LRP4: variants seen among roughly 807,000 people sequenced by gnomAD.
The protein encoded by LRP4 is LDL receptor related protein 4.
A neutral mutation model predicts 220.3 loss-of-function variants in LRP4; 95 were observed. The observed-to-expected ratio is 0.43, with a 90% CI of 0.37 to 0.51. The LOEUF (loss-of-function observed/expected upper bound fraction) is 0.51, where lower values mean the gene tolerates loss of function less well. Among genes scored for constraint, LRP4 ranks in the 20% least tolerant of loss-of-function variants. The probability of loss-of-function intolerance (pLI) is 0.00; values close to 1 mark genes in which losing one functional copy is unlikely to be tolerated. For missense variants in LRP4, 1,925 were observed against 2,567.0 expected, an observed-to-expected ratio of 0.75 and a Z score of 5.40; for synonymous variants, 903 against 954.6, an observed-to-expected ratio of 0.95 and a Z score of 1.00.
At position 46,869,098 on chromosome 11, in the gene LRP4, G is replaced by C. The variant is rs2134778058; in HGVS notation, c.4727C>G (p.Thr1576Ser). The change falls in exon 32 of 38, where the codon ACC becomes AGC. Residue 1576 changes from threonine (T) to serine (S), a missense_variant. Around this residue, in one of 3 missense-constraint regions of LRP4, gnomAD observed 1,244 missense variants for 1,624.9 expected, o/e 0.77. Transcript: ENST00000378623. The part of the protein sequence containing the change: ...DRWIYWTDWQ[T>S]KSIQRVDKYS... ...TTTGTCAACACGCTGGATTGACTTG[G>C]TCTGCCAGTCTGTCCAGTAGATCCA... is the stretch of plus-strand genomic sequence containing the variant. The C allele has an allele frequency of 5.6e-6, 9 of 1,614,170 alleles. No homozygotes were observed. The highest frequency in any genetic ancestry group is 6.8e-6 in the Non-Finnish European group (8 of 1,180,028).
rs528229446 is a variant in LRP4 at position 46,858,690 on chromosome 11, C to T, written c.*293G>A. The stretch of plus-strand genomic sequence containing the variant: ...TGGGGAAAGGGGAGGTGGAGCTCTA[C>T]GCTGGTGAGGAATCACGAATAAGCA... On this transcript the variant is annotated 3_prime_UTR_variant, in exon 38 of 38. Coordinates refer to ENST00000378623, the MANE Select transcript of LRP4 (RefSeq NM_002334.4). The T allele has an allele frequency of 1.4e-5, 6 of 438,874 alleles. No homozygotes were observed. Among genetic ancestry groups the T allele is most frequent in the South Asian group, 6.2e-5 (3 of 48,674 alleles). The allele number at this position is 438,874 out of a possible 1,614,324, so 27.2% of individuals were successfully genotyped here.
chr11:46,908,605 C>T (rs1051669001), intron 1 of LRP4, among the ~76,000 whole-genome samples: 1 of 152,196 alleles, frequency 6.6e-6, no homozygotes, highest in Non-Finnish European at 1.5e-5. Context: ...GGGGAATTTA[C>T]AACTTCTGGG....
Position 46,918,184 on chromosome 11 carries a change from C to A in LRP4, c.52+144G>T. ...GCTGGAGCCGGGGCCGCTCCGGGTC[C>A]TCTCCCCTGCACGCAGCCCCAGGGC... On this transcript the variant is annotated intron_variant, in intron 1 of 37. Transcript: ENST00000378623. The surrounding 1 kb of genome is among the most constrained non-coding windows in gnomAD (Gnocchi z 6.0). 1.2e-6 allele frequency: 1 copy of A among 840,138 alleles called. No homozygotes were observed. Among genetic ancestry groups the A allele is most frequent in the Non-Finnish European group, 1.7e-6 (1 of 571,474 alleles). The allele number at this position is 840,138 out of a possible 1,614,324, so 52.0% of individuals were successfully genotyped here. A position where few individuals can be genotyped will look rare whatever the true frequency, so the allele number is the denominator to read the frequency against.
At chr11:46,880,909 A>T (rs1273683558) in intron 20 of LRP4, among the ~76,000 whole-genome samples, 1 of 151,294 alleles carries the variant, frequency 6.6e-6, no homozygotes, top group Non-Finnish European at 1.5e-5. Flanking sequence ...GTCTCTACCA[A>T]AAAAAAAGAA....
Position 46,899,111 on chromosome 11 carries a change from C to A in LRP4, c.548-79G>T. On this transcript the variant is annotated intron_variant, in intron 5 of 37. Coordinates refer to ENST00000378623, the MANE Select transcript of LRP4 (RefSeq NM_002334.4). This position sits in a 1 kb window ranked among gnomAD's most constrained non-coding sequence, Gnocchi z 5.9. ...GAGGGGCCCTGATTCCTCAAGCAGG[C>A]AGGATGCTCAGGCAGGAGAGCTTCT... The A allele has an allele frequency of 7.3e-7, 1 of 1,368,368 alleles. No homozygotes were observed. Among genetic ancestry groups the A allele is most frequent in the East Asian group, 2.3e-5 (1 of 43,264 alleles). The allele number at this position is 1,368,368 out of a possible 1,614,324, so 84.8% of individuals were successfully genotyped here. A position where few individuals can be genotyped will look rare whatever the true frequency, so the allele number is the denominator to read the frequency against.
At chr11:46,909,611 C>CCA (rs768024410) in intron 1 of LRP4, among the ~76,000 whole-genome samples, 4 of 46,096 alleles carry the variant, frequency 8.7e-5, no homozygotes, top group Non-Finnish European at 1.1e-4. Context: ...GACTCCGTCT[C>CCA]AAAAAAAAAA....
chr11:46,886,107 C>T lies in LRP4; in HGVS notation c.2490G>A (p.Leu830=). The change falls in exon 18 of 38, where the codon CTG becomes CTA. Residue 830 remains leucine, a synonymous_variant. Coordinates refer to ENST00000378623, the MANE Select transcript of LRP4 (RefSeq NM_002334.4). ...TATGCATACCTGCATCTGTCCAGTACAGTTTGTTGGTGACCCAATCAATGG... is the reference window on the plus strand; with the variant it reads ...TATGCATACCTGCATCTGTCCAGTATAGTTTGTTGGTGACCCAATCAATGG... ...GLAIDWVTNK[L]YWTDAGTDRI... is the part of the protein sequence containing the mutation. The T allele has an allele frequency of 6.2e-7, 1 of 1,614,136 alleles. No homozygotes were observed. The highest frequency in any genetic ancestry group is 8.5e-7 in the Non-Finnish European group (1 of 1,180,024).
At chr11:46,888,536 G>A (rs1941346875) in intron 16 of LRP4, among the ~76,000 whole-genome samples, 1 of 26,526 alleles carries the variant, frequency 3.8e-5, no homozygotes, top group African/African-American at 1.1e-4. Context: ...CTGGACAAGA[G>A]CAAAACTGTC....
In LRP4 at chr11:46,865,124, G is replaced by A. The variant is rs778320785; in HGVS notation, c.5150C>T (p.Ala1717Val). Residue 1717 changes from alanine to valine, a missense_variant, in exon 35 of 38, where the codon GCT becomes GTT. Physicochemically the swap from Ala to Val is moderately conservative, Grantham distance 64 (BLOSUM62 0). Transcript: ENST00000378623. The stretch of plus-strand genomic sequence containing the variant: ...GTGGGGTACTCAGGGCTTACCTGGA[G>A]CAGCAGGAACAGCGTCATTGGAACG... ...CARSNDAVPAAPGEGLHISYA... is the reference protein window; with the variant it reads ...CARSNDAVPAVPGEGLHISYA... 2 of 1,562,164 alleles carry A rather than the reference G, an allele frequency of 1.3e-6. No homozygotes were observed. Among genetic ancestry groups the A allele is most frequent in the Non-Finnish European group, 1.7e-6 (2 of 1,152,094 alleles).
chr11:46,865,593 G>A (rs1940674944), intron 34 of LRP4, among the ~76,000 whole-genome samples: 2 of 152,140 alleles, frequency 1.3e-5, no homozygotes, highest in African/African-American at 4.8e-5. Flanking sequence ...GTCAAAAAAT[G>A]TTTTTCTTCT....
rs2134774991 is a variant in LRP4 at position 46,868,067 on chromosome 11, T to C, written c.4999A>G (p.Lys1667Glu). ...PAPRATGMSE[K>E]SPVLPNTPPT... ...GGTGTGTTGGGTAGCACTGGGCTCT[T>C]TTCACTCATGCCAGTAGCCCTAGGA... Residue 1667 changes from lysine (K) to glutamate (E), a missense_variant, in exon 34 of 38, where the codon AAG becomes GAG. Around this residue, in one of 3 missense-constraint regions of LRP4, gnomAD observed 1,244 missense variants for 1,624.9 expected, o/e 0.77. Transcript: ENST00000378623. 1 of 1,614,148 alleles carries C rather than the reference T, an allele frequency of 6.2e-7. No individual in the cohort carries two copies. Among genetic ancestry groups the C allele is most frequent in the East Asian group, 2.2e-5 (1 of 44,882 alleles).
At chr11:46,887,722 T>C (rs1374096375) in intron 16 of LRP4, among the ~76,000 whole-genome samples, 3 of 151,888 alleles carry the variant, frequency 2.0e-5, no homozygotes, top group Non-Finnish European at 4.4e-5. Context: ...TCTCAGCTAC[T>C]TGGGAGCCCA....
At chr11:46,867,104 A>C (rs978218554) in intron 34 of LRP4, among the ~76,000 whole-genome samples, 1 of 152,166 alleles carries the variant, frequency 6.6e-6, no homozygotes, top group Non-Finnish European at 1.5e-5. Context: ...TAATTTCTCA[A>C]ATCAGGAAGC....
In LRP4 at chr11:46,899,922, C is replaced by T. The variant is rs1268069891; in HGVS notation, c.371G>A (p.Arg124Gln). The T allele has an allele frequency of 5.6e-6, 9 of 1,613,802 alleles. No homozygotes were observed. The highest frequency in any genetic ancestry group is 1.7e-5 in the Admixed American group (1 of 60,008). ...EFPCQNGYCI[R>Q]SLWHCDGDND... ...GTCACCATCGCAGTGCCACAGACTC[C>T]GGATGCAGTAGCCATTCTGGCAGGG... The change falls in exon 4 of 38, where the codon CGG (arginine) becomes CAG (glutamine). Residue 124 changes from arginine to glutamine, a missense_variant. Arg to Gln is a conservative substitution (Grantham distance 43, BLOSUM62 1). This residue lies in a region of LRP4 where 412 missense variants were observed against 505.4 expected (regional missense o/e 0.82). Transcript: ENST00000378623. The surrounding 1 kb of genome is among the most constrained non-coding windows in gnomAD (Gnocchi z 5.9).
chr11:46,861,599 C>T (rs1472529832), intron 37 of LRP4, among the ~76,000 whole-genome samples: 1 of 130,944 alleles, frequency 7.6e-6, no homozygotes, highest in Non-Finnish European at 1.6e-5. Flanking sequence ...GATCACAGCT[C>T]ACTGCAGCCT....
intron 22 of LRP4, among the ~76,000 whole-genome samples, chr11:46,878,067 T>C (rs761960370): frequency 6.6e-6 from 1 of 152,080 alleles, no homozygotes; most frequent in Non-Finnish European, 1.5e-5. Flanking sequence ...AGAGTTCAAA[T>C]GCAGCCTACC....
rs773599397 is a variant in LRP4 at position 46,881,750 on chromosome 11, G to C, written c.2766C>G (p.Ala922=). 6.2e-7 allele frequency: 1 copy of C among 1,613,900 alleles called. No homozygotes were observed. The highest frequency in any genetic ancestry group is 1.1e-5 in the South Asian group (1 of 90,942). ...YGSQRLYWAD[A]GMKTIEFAGL... Reference sequence around the variant, plus strand: ...CAGCAAATTCAATTGTCTTCATGCCGGCGTCAGCCCAGTATAGACGCTGGG... The same window carrying C: ...CAGCAAATTCAATTGTCTTCATGCCCGCGTCAGCCCAGTATAGACGCTGGG... Residue 922 remains alanine (A), a synonymous_variant, in exon 20 of 38, where the codon GCC becomes GCG. Coordinates refer to ENST00000378623, the MANE Select transcript of LRP4 (RefSeq NM_002334.4).
At chr11:46,881,586 C>T (rs1240739013) in intron 20 of LRP4, 116 bp downstream of exon 20, 1 of 1,005,780 alleles carries the variant, frequency 9.9e-7, no homozygotes, top group Non-Finnish European at 1.6e-6. Flanking sequence ...CCCATAACCT[C>T]CAGATCCCCT....
intron 30 of LRP4, among the ~76,000 whole-genome samples, 195 bp downstream of exon 30, chr11:46,872,905 C>T (rs902999424): frequency 6.6e-6 from 1 of 152,222 alleles, no homozygotes; most frequent in African/African-American, 2.4e-5. Flanking sequence ...ACCAGCCAAA[C>T]AAAACCCACA....
Sources: allele counts gnomAD v4.1 joint callset (sites outside exome capture counted in the v4.1 genomes callset), GRCh38; gene constraint gnomAD v4.1.1; regional missense constraint gnomAD v4.1.1; non-coding constraint Gnocchi (gnomAD v3.1); transcripts MANE v1.5; gene names NCBI Gene and HGNC (gene_info 2026-07-23, HGNC 2026-07-21).